DPYD: variants seen among roughly 807,000 people sequenced by gnomAD.
DPYD encodes the protein dihydropyrimidine dehydrogenase [NADP(+)].
Under a neutral mutation model 116.2 loss-of-function variants are expected in DPYD, and 109 were observed. That is an observed-to-expected ratio of 0.94 (90% CI 0.80 to 1.10). DPYD has a LOEUF of 1.10. Ranked by LOEUF, DPYD falls within the 50% of genes least tolerant of loss-of-function variation. DPYD has a pLI of 0.00. For missense variants in DPYD, 1,302 were observed against 1,254.5 expected (o/e 1.04, Z -0.57); for synonymous variants, 440 against 432.0 (o/e 1.02, Z -0.23).
rs771819661 is a variant in DPYD at position 97,876,892 on chromosome 1, C to A, written c.150+6372G>T. 3.9e-5 allele frequency among the ~76,000 whole-genome samples: 6 copies of A among 152,018 alleles called. No homozygotes were observed. The South Asian group carries it at 1.0e-3, about 26-fold the overall frequency. ...AGTAACTTTTTTCCTCCACTCCCATCCTTCCCACCCAGTCTATATAAATAT... is the reference window on the plus strand; with the variant it reads ...AGTAACTTTTTTCCTCCACTCCCATACTTCCCACCCAGTCTATATAAATAT... On this transcript the variant is annotated intron_variant, in intron 2 of 22. Transcript: ENST00000370192.
In DPYD at chr1:97,699,522, T is replaced by G. The variant is rs1435370784; in HGVS notation, c.509A>C (p.Gln170Pro). Reference sequence around the variant, plus strand: ...GGGAGGCAGCGAAGGATTTCTGATCTGTGGGATACTCATTGCTTTGAATAC... The same window carrying G: ...GGGAGGCAGCGAAGGATTTCTGATCGGTGGGATACTCATTGCTTTGAATAC... ...TEVFKAMSIP[Q>P]IRNPSLPPPE... is the part of the protein sequence containing the mutation. Residue 170 changes from glutamine (Q) to proline (P), a missense_variant, in exon 6 of 23, where the codon CAG (glutamine) becomes CCG (proline). Gln to Pro is a moderately conservative substitution (Grantham distance 76, BLOSUM62 -1). Transcript: ENST00000370192. The G allele has an allele frequency of 1.2e-6, 2 of 1,613,414 alleles. No homozygotes were observed. Among genetic ancestry groups the G allele is most frequent in the Non-Finnish European group, 1.7e-6 (2 of 1,179,576 alleles).
chr1:97,508,749 T>G (rs895264262), intron 13 of DPYD, among the ~76,000 whole-genome samples: 2 of 151,968 alleles, frequency 1.3e-5, no homozygotes, highest in Admixed American at 6.6e-5. Flanking sequence ...AGACCTTGGT[T>G]CAAATCCTGA....
intron 14 of DPYD, among the ~76,000 whole-genome samples, chr1:97,391,411 C>T (rs1672698294): frequency 6.6e-6 from 1 of 151,984 alleles, no homozygotes; most frequent in Non-Finnish European, 1.5e-5. Context: ...GAATACCTAT[C>T]TTTGTCGCCC....
intron 21 of DPYD, among the ~76,000 whole-genome samples, chr1:97,090,943 T>C (rs946677377): frequency 6.6e-6 from 1 of 152,172 alleles, no homozygotes; most frequent in African/African-American, 2.4e-5. Flanking sequence ...GATTGACTGA[T>C]ATTGAAACTG....
intron 12 of DPYD, among the ~76,000 whole-genome samples, chr1:97,526,276 G>T (rs1309786060): frequency 6.6e-6 from 1 of 152,026 alleles, no homozygotes; most frequent in East Asian, 1.9e-4. Context: ...AAGATTTTTC[G>T]TGCTTTGTCC....
At chr1:97,204,979 TA>T (rs999011779) in intron 19 of DPYD, among the ~76,000 whole-genome samples, 5 of 151,728 alleles carry the variant, frequency 3.3e-5, no homozygotes, top group African/African-American at 4.8e-5. Flanking sequence ...CCTCCAACTT[TA>T]AAAAAAATAA....
intron 13 of DPYD, among the ~76,000 whole-genome samples, chr1:97,493,605 T>C (rs1340317685): frequency 6.6e-6 from 1 of 151,902 alleles, no homozygotes; most frequent in East Asian, 1.9e-4. Context: ...GTAAAACATC[T>C]TACTGGAGGG....
At chr1:97,294,903 G>C (rs532900622) in intron 18 of DPYD, among the ~76,000 whole-genome samples, 2 of 152,258 alleles carry the variant, frequency 1.3e-5, no homozygotes, top group South Asian at 4.1e-4. Flanking sequence ...ATTTTAACAA[G>C]GGTCACAGAA....
In DPYD at chr1:97,260,844, G is replaced by A. The variant is rs527537922; in HGVS notation, c.2300-25850C>T. Among the ~76,000 whole-genome samples, 17 of 152,174 alleles carry A rather than the reference G, an allele frequency of 1.1e-4. No homozygotes were observed. In the South Asian group the frequency reaches 1.2e-3, roughly 11 times the overall value. On this transcript the variant is annotated intron_variant, in intron 18 of 22. Transcript: ENST00000370192. ...ATAATGTACGAAATCTAAATGCCAGGGGAATGTAGCAGACAGTCCAGAGGG... is the reference window on the plus strand; with the variant it reads ...ATAATGTACGAAATCTAAATGCCAGAGGAATGTAGCAGACAGTCCAGAGGG...
chr1:97,457,962 C>T (rs1484875844), intron 13 of DPYD, among the ~76,000 whole-genome samples: 1 of 152,126 alleles, frequency 6.6e-6, no homozygotes, highest in East Asian at 1.9e-4. Context: ...GATTAATCAA[C>T]AGACAGACTG....
intron 13 of DPYD, among the ~76,000 whole-genome samples, chr1:97,512,834 T>G (rs1355189867): frequency 6.6e-6 from 1 of 151,884 alleles, no homozygotes; most frequent in Non-Finnish European, 1.5e-5. Flanking sequence ...AAATATGACT[T>G]TACTATCTTT....
At chr1:97,440,763 C>T (rs1394387163) in intron 14 of DPYD, among the ~76,000 whole-genome samples, 2 of 152,134 alleles carry the variant, frequency 1.3e-5, no homozygotes, top group Non-Finnish European at 2.9e-5. Context: ...AATGGGAAAA[C>T]ATCATATATT....
chr1:97,641,364 A>G (rs1449769787), intron 8 of DPYD, among the ~76,000 whole-genome samples: 1 of 152,174 alleles, frequency 6.6e-6, no homozygotes, highest in Admixed American at 6.6e-5. Context: ...GAAGAAACAA[A>G]AAGTGACAGA....
intron 7 of DPYD, among the ~76,000 whole-genome samples, chr1:97,687,276 TCAAA>T (rs960822175): frequency 7.0e-4 from 106 of 151,860 alleles, no homozygotes; most frequent in African/African-American, 2.4e-3. Flanking sequence ...ATCCTCCATC[TCAAA>T]CAAACAAACA....
chr1:97,144,377 T>C (rs1401359971), intron 20 of DPYD, among the ~76,000 whole-genome samples: 2 of 152,154 alleles, frequency 1.3e-5, no homozygotes, highest in Non-Finnish European at 2.9e-5. Flanking sequence ...AGTCCCCAAA[T>C]GGAAAGAACT....
intron 21 of DPYD, among the ~76,000 whole-genome samples, chr1:97,093,739 T>A (rs1557858616): frequency 6.6e-6 from 1 of 152,196 alleles, no homozygotes; most frequent in Non-Finnish European, 1.5e-5. Context: ...CAAACTTTGC[T>A]TTGTATTTCA....
At chr1:97,916,869 A>C (rs1020192056) in intron 1 of DPYD, among the ~76,000 whole-genome samples, 1 of 152,130 alleles carries the variant, frequency 6.6e-6, no homozygotes, top group Admixed American at 6.5e-5. Flanking sequence ...ACTGAAACAC[A>C]TATCAACACA....
intron 20 of DPYD, among the ~76,000 whole-genome samples, chr1:97,169,523 T>TTTTTTTTTTTTTATTTTATTTTA (rs1553227133): frequency 7.0e-6 from 1 of 143,016 alleles, no homozygotes; most frequent in Non-Finnish European, 1.5e-5. Flanking sequence ...ATTGGGTTAA[T>TTTTTTTTTTTTTATTTTATTTTA]TTTTATTTTA....
chr1:97,756,955 C>T (rs919090872), intron 3 of DPYD, among the ~76,000 whole-genome samples: 3 of 152,110 alleles, frequency 2.0e-5, no homozygotes, highest in East Asian at 3.9e-4. Context: ...GTGTCATCTC[C>T]GTTGAGAAGC....
Sources: gnomAD v4.1 joint callset for allele counts (sites outside exome capture counted in the v4.1 genomes callset) on GRCh38, gnomAD v4.1.1 for gene constraint, MANE v1.5 for transcripts, NCBI Gene and HGNC (gene_info 2026-07-23, HGNC 2026-07-21) for gene names.